Variants in MEI4 observed in about 807,000 individuals in gnomAD.
MEI4 encodes the protein meiosis-specific protein MEI4.
MEI4 carries 27 observed loss-of-function variants against 31.4 expected under a neutral mutation model. That is an observed-to-expected ratio of 0.86 (90% CI 0.63 to 1.19). MEI4 has a LOEUF of 1.19. MEI4 is among the 50% of genes most tolerant of loss of function. MEI4 has a pLI of 0.00. For synonymous variants in MEI4, 122 were observed against 145.4 expected (o/e 0.84, Z 1.16); for missense variants, 329 against 398.9 (o/e 0.82, Z 1.49).
intron 3 of MEI4, among the ~76,000 whole-genome samples, chr6:77,803,905 G>T (rs576496444): frequency 1.3e-5 from 2 of 152,286 alleles, no homozygotes; most frequent in African/African-American, 4.8e-5. Flanking sequence ...TCCCAGTTAG[G>T]CTACTCAGGG....
At chr6:77,805,830 T>A (rs1769417287) in intron 3 of MEI4, among the ~76,000 whole-genome samples, 1 of 151,760 alleles carries the variant, frequency 6.6e-6, no homozygotes, top group Non-Finnish European at 1.5e-5. Flanking sequence ...TTTCATTCTG[T>A]AGCACAAGGA....
chr6:77,865,355 G>A (rs186496376), intron 4 of MEI4, among the ~76,000 whole-genome samples: 48 of 152,158 alleles, frequency 3.2e-4, no homozygotes, highest in Non-Finnish European at 2.9e-5. Context: ...GAAGAAAGGA[G>A]AGAAGAATCA....
intron 4 of MEI4, among the ~76,000 whole-genome samples, chr6:77,898,214 TAGAGAG>T (rs956971603): frequency 1.9e-4 from 29 of 152,002 alleles, no homozygotes; most frequent in Admixed American, 1.4e-3. Flanking sequence ...AAATGGCTCA[TAGAGAG>T]TTAACTTCAT....
intron 1 of MEI4, among the ~76,000 whole-genome samples, chr6:77,666,526 A>G (rs1447745914): frequency 3.9e-5 from 6 of 152,142 alleles, no homozygotes; most frequent in African/African-American, 1.4e-4. Flanking sequence ...CAATGAACTA[A>G]TTTTGTCTCC....
chr6:77,901,870 T>G (rs1439587111), intron 4 of MEI4, among the ~76,000 whole-genome samples: 1 of 152,148 alleles, frequency 6.6e-6, no homozygotes, highest in African/African-American at 2.4e-5. Flanking sequence ...TTATCCATTT[T>G]GAGTTGATTT....
chr6:77,685,833 G>C (rs1769044590), intron 1 of MEI4, among the ~76,000 whole-genome samples: 1 of 152,206 alleles, frequency 6.6e-6, no homozygotes, highest in Non-Finnish European at 1.5e-5. Flanking sequence ...ATAGTTTCCT[G>C]TCTTATATGT....
chr6:77,788,997 C>G (rs112306272), intron 3 of MEI4, among the ~76,000 whole-genome samples: 1 of 152,162 alleles, frequency 6.6e-6, no homozygotes, highest in African/African-American at 2.4e-5. Flanking sequence ...TACCTGACTT[C>G]AAACTATACT....
intron 4 of MEI4, among the ~76,000 whole-genome samples, chr6:77,868,900 A>T (rs1313422683): frequency 6.6e-6 from 1 of 152,032 alleles, no homozygotes; most frequent in East Asian, 1.9e-4. Context: ...GTAGAAAAGA[A>T]GAGATTGGTA....
chr6:77,724,887 T>G (rs1197485745), intron 2 of MEI4, among the ~76,000 whole-genome samples: 1 of 146,600 alleles, frequency 6.8e-6, no homozygotes, highest in Non-Finnish European at 1.5e-5. Context: ...ACTTTCGGTT[T>G]CTTTCTGGGA....
intron 2 of MEI4, among the ~76,000 whole-genome samples, chr6:77,733,595 T>A (rs1400510223): frequency 6.6e-6 from 1 of 152,038 alleles, no homozygotes; most frequent in Non-Finnish European, 1.5e-5. Context: ...GATTGATTAA[T>A]TTTTTGAAGG....
chr6:77,918,973 C>T (rs1213672142), intron 4 of MEI4, among the ~76,000 whole-genome samples: 3 of 151,952 alleles, frequency 2.0e-5, no homozygotes, highest in Non-Finnish European at 4.4e-5. Context: ...GAGTTTTTAG[C>T]ATGAAGGGTT....
At chr6:77,701,094 A>G (rs1176278712) in intron 2 of MEI4, among the ~76,000 whole-genome samples, 1 of 152,152 alleles carries the variant, frequency 6.6e-6, no homozygotes. Context: ...GTGAAAAGCT[A>G]TGCTCTTTTT....
chr6:77,808,094 C>A (rs1561997577), intron 3 of MEI4, among the ~76,000 whole-genome samples: 1 of 152,120 alleles, frequency 6.6e-6, no homozygotes, highest in Non-Finnish European at 1.5e-5. Flanking sequence ...TCTGTTATTG[C>A]CTGTTGTCCT....
At chr6:77,916,552 T>A (rs7752246) in intron 4 of MEI4, among the ~76,000 whole-genome samples, 21,395 of 152,020 alleles carry the variant, frequency 0.14, 1,777 homozygotes, top group East Asian at 0.39. Context: ...AGTATTAGTA[T>A]TGTTTCTTAT....
intron 3 of MEI4, among the ~76,000 whole-genome samples, chr6:77,813,936 ATTC>A (rs1282188254): frequency 6.6e-6 from 1 of 152,084 alleles, no homozygotes; most frequent in African/African-American, 2.4e-5. Flanking sequence ...ACATTTTAAA[ATTC>A]ATCATAAGTA....
chr6:77,784,756 G>T (rs1768688497), intron 3 of MEI4, among the ~76,000 whole-genome samples: 1 of 152,072 alleles, frequency 6.6e-6, no homozygotes. Flanking sequence ...CCCGGAGTTG[G>T]TTTTTTAGAA....
Position 77,841,314 on chromosome 6 carries a change from C to CATATATATATATATAT in MEI4, c.900+12257_900+12272dup, listed in dbSNP as rs1315994932. Among the ~76,000 whole-genome samples the CATATATATATATATAT allele has an allele frequency of 8.7e-4, 45 of 51,878 alleles. 1 individual carries two copies. Among genetic ancestry groups the CATATATATATATATAT allele is most frequent in the African/African-American group, 2.0e-3 (17 of 8,588 alleles). The allele number at this position is 51,878 out of a possible 152,430, so 34.0% of individuals were successfully genotyped here. A position where few individuals can be genotyped will look rare whatever the true frequency, so the allele number is the denominator to read the frequency against. On this transcript the variant is annotated intron_variant, in intron 4 of 4. Coordinates refer to ENST00000684080, the MANE Select transcript of MEI4 (RefSeq NM_001322247.2). ...TACTGAGAAAGGTTACAAATGTGTGCATATATATATATATATATATTTTTT... is the reference window on the plus strand; with the variant it reads ...TACTGAGAAAGGTTACAAATGTGTGCATATATATATATATATATATATATATATATATATATTTTTT...
intron 2 of MEI4, among the ~76,000 whole-genome samples, chr6:77,715,304 T>C (rs551813524): frequency 2.6e-5 from 4 of 152,178 alleles, no homozygotes; most frequent in Non-Finnish European, 5.9e-5. Context: ...TTTTACTAGT[T>C]TTTAACTAGT....
At chr6:77,654,282 G>T (rs1335575605) in intron 1 of MEI4, among the ~76,000 whole-genome samples, 1 of 152,122 alleles carries the variant, frequency 6.6e-6, no homozygotes, top group Non-Finnish European at 1.5e-5. Context: ...TTTGTTGACT[G>T]TTATATCCCT....
Sources: gnomAD v4.1 joint callset for allele counts (sites outside exome capture counted in the v4.1 genomes callset) on GRCh38, gnomAD v4.1.1 for gene constraint, MANE v1.5 for transcripts, NCBI Gene and HGNC (gene_info 2026-07-23, HGNC 2026-07-21) for gene names.